Variants in SPOCK3 observed in about 807,000 individuals in gnomAD.
SPOCK3 encodes the protein SPARC (osteonectin), cwcv and kazal like domains proteoglycan 3, also known as testican-3.
SPOCK3 carries 30 observed loss-of-function variants against 56.6 expected under a neutral mutation model. The observed-to-expected ratio is 0.53, with a 90% CI of 0.40 to 0.72. The LOEUF (loss-of-function observed/expected upper bound fraction) is 0.72, where lower values mean the gene tolerates loss of function less well. SPOCK3 is among the 30% of genes least tolerant of loss of function. The pLI is 0.00. For missense variants in SPOCK3, 527 were observed against 530.0 expected, an observed-to-expected ratio of 0.99 and a Z score of 0.06; for synonymous variants, 196 against 183.3, an observed-to-expected ratio of 1.07 and a Z score of -0.56.
intron 6 of SPOCK3, among the ~76,000 whole-genome samples, chr4:166,824,907 G>C (rs889844190): frequency 1.3e-5 from 2 of 151,786 alleles, no homozygotes; most frequent in South Asian, 2.1e-4. Context: ...ATTGCCAGTG[G>C]GGAAAAAAGC....
chr4:167,104,720 A>C (rs1410662135), intron 2 of SPOCK3, among the ~76,000 whole-genome samples: 1 of 152,084 alleles, frequency 6.6e-6, no homozygotes, highest in East Asian at 1.9e-4. Context: ...GAAAGATATC[A>C]ATGTTCAAGT....
Position 167,205,891 on chromosome 4 carries a change from A to G in SPOCK3, c.189+28094T>C, listed in dbSNP as rs899231999. Among the ~76,000 whole-genome samples, 177 of 151,752 alleles carry G rather than the reference A, an allele frequency of 1.2e-3. 2 individuals are homozygous for G. Among genetic ancestry groups the G allele is most frequent in the African/African-American group, 4.2e-3 (172 of 41,398 alleles). ...TCCAAAGTGCTGGGATTACAGGCAT[A>G]AGCCACCGCATCCAGCCCCAAAATA... is the stretch of plus-strand genomic sequence containing the variant. On this transcript the variant is annotated intron_variant, in intron 2 of 10. Transcript: ENST00000357545.
intron 4 of SPOCK3, among the ~76,000 whole-genome samples, chr4:166,999,510 A>T (rs1425644274): frequency 6.6e-6 from 1 of 152,138 alleles, no homozygotes; most frequent in African/African-American, 2.4e-5. Flanking sequence ...CCAAAAATCC[A>T]ATTTTTCTCT....
intron 2 of SPOCK3, among the ~76,000 whole-genome samples, chr4:167,150,867 G>A (rs975310754): frequency 2.0e-5 from 3 of 152,144 alleles, no homozygotes; most frequent in African/African-American, 4.8e-5. Context: ...ACACAATCAA[G>A]TAATCCAGAG....
At chr4:167,126,250 C>T (rs1192887054) in intron 2 of SPOCK3, among the ~76,000 whole-genome samples, 2 of 152,038 alleles carry the variant, frequency 1.3e-5, no homozygotes, top group African/African-American at 2.4e-5. Context: ...GAAGACCTCA[C>T]AATAAGTTCA....
intron 6 of SPOCK3, among the ~76,000 whole-genome samples, chr4:166,876,170 C>T (rs1459702200): frequency 6.6e-6 from 1 of 152,168 alleles, no homozygotes; most frequent in African/African-American, 2.4e-5. Context: ...TTGTTATAGC[C>T]TAATTCAATA....
At chr4:167,078,563 C>A (rs1757418623) in intron 2 of SPOCK3, among the ~76,000 whole-genome samples, 1 of 151,546 alleles carries the variant, frequency 6.6e-6, no homozygotes, top group Non-Finnish European at 1.5e-5. Context: ...CTGGAAAAAT[C>A]AACAAATTAA....
intron 9 of SPOCK3, among the ~76,000 whole-genome samples, chr4:166,740,876 C>A (rs1041402893): frequency 6.6e-6 from 1 of 152,120 alleles, no homozygotes; most frequent in Admixed American, 6.6e-5. Context: ...CATCTTGTAA[C>A]AGGGTCAAAA....
intron 6 of SPOCK3, among the ~76,000 whole-genome samples, chr4:166,826,060 A>G (rs894748349): frequency 2.0e-5 from 3 of 152,114 alleles, no homozygotes; most frequent in African/African-American, 7.2e-5. Context: ...GAAAGACAGT[A>G]ATATAGTAGA....
At chr4:166,872,216 G>C (rs1005283000) in intron 6 of SPOCK3, among the ~76,000 whole-genome samples, 3 of 151,958 alleles carry the variant, frequency 2.0e-5, no homozygotes, top group Admixed American at 1.3e-4. Context: ...AGACAAGAAT[G>C]AGTAATAGAA....
intron 5 of SPOCK3, among the ~76,000 whole-genome samples, chr4:166,909,091 A>G (rs1736964821): frequency 1.3e-5 from 2 of 152,122 alleles, no homozygotes; most frequent in African/African-American, 4.8e-5. Context: ...TTCCAAAAAT[A>G]CTTTTTATGA....
chr4:167,214,300 T>G (rs1735155883), intron 2 of SPOCK3, among the ~76,000 whole-genome samples: 1 of 152,174 alleles, frequency 6.6e-6, no homozygotes, highest in African/African-American at 2.4e-5. Context: ...TGTCGTTATC[T>G]TTTTTAAGTA....
At chr4:166,885,833 C>T (rs141387631) in intron 6 of SPOCK3, among the ~76,000 whole-genome samples, 13 of 152,068 alleles carry the variant, frequency 8.5e-5, no homozygotes, top group African/African-American at 2.9e-4. Flanking sequence ...CTTTGGAATA[C>T]CCAGATTTGA....
intron 5 of SPOCK3, among the ~76,000 whole-genome samples, chr4:166,902,259 A>C (rs541630597): frequency 3.3e-5 from 5 of 152,212 alleles, no homozygotes; most frequent in African/African-American, 1.2e-4. Flanking sequence ...TTGGTAGGTA[A>C]TATGGCTTTT....
At chr4:166,794,186 A>G (rs1428248731) in intron 6 of SPOCK3, among the ~76,000 whole-genome samples, 1 of 132,938 alleles carries the variant, frequency 7.5e-6, no homozygotes, top group Admixed American at 8.6e-5. Context: ...AAGGTCCACC[A>G]TGGCTGAGGC....
chr4:166,855,807 A>G (rs957987504), intron 6 of SPOCK3, among the ~76,000 whole-genome samples: 1 of 152,102 alleles, frequency 6.6e-6, no homozygotes. Flanking sequence ...GGAAATTTGT[A>G]TTTCTAATTC....
chr4:167,042,701 G>A (rs1005154291), intron 3 of SPOCK3, among the ~76,000 whole-genome samples: 45 of 152,048 alleles, frequency 3.0e-4, no homozygotes, highest in African/African-American at 9.9e-4. Flanking sequence ...CCCTCTTAAG[G>A]TTAAAAAGGC....
At chr4:166,888,087 C>G (rs1402851187) in intron 6 of SPOCK3, among the ~76,000 whole-genome samples, 1 of 151,636 alleles carries the variant, frequency 6.6e-6, no homozygotes, top group Non-Finnish European at 1.5e-5. Flanking sequence ...AGAGTTAATA[C>G]CAATATAAGT....
chr4:167,119,936 C>A (rs1042407913), intron 2 of SPOCK3: 1 of 1,124,496 alleles, frequency 8.9e-7, no homozygotes, highest in South Asian at 1.6e-5. Context: ...AAAGAATAAA[C>A]CCCTTTCTGA....
Sources: gnomAD v4.1 joint callset for allele counts (sites outside exome capture counted in the v4.1 genomes callset) on GRCh38, gnomAD v4.1.1 for gene constraint, MANE v1.5 for transcripts, NCBI Gene and HGNC (gene_info 2026-07-23, HGNC 2026-07-21) for gene names.